Variants in TENM1 observed in about 807,000 individuals in gnomAD.
TENM1 encodes teneurin-1.
A neutral mutation model predicts 174.8 loss-of-function variants in TENM1; 35 were observed. The ratio of observed to expected loss-of-function variants is 0.20; its 90% CI spans 0.15 to 0.27. TENM1 has a LOEUF of 0.27. TENM1 is among the 10% of genes least tolerant of loss of function. The probability of loss-of-function intolerance (pLI) is 1.00; values close to 1 mark genes in which losing one functional copy is unlikely to be tolerated. For synonymous variants in TENM1, 781 were observed against 798.7 expected (o/e 0.98, Z 0.37); for missense variants, 1,633 against 2,130.1 (o/e 0.77, Z 4.59).
At chrX:124,455,473 A>G (rs1223205997) in intron 22 of TENM1, among the ~76,000 whole-genome samples, 2 of 111,715 alleles carry the variant, frequency 1.8e-5, no homozygotes, top group African/African-American at 6.5e-5. Context: ...TGGCAGACCT[A>G]TTATTTAGAA....
At chrX:125,107,307 C>T in the TENM1 span, among the ~76,000 whole-genome samples, 1 of 112,161 alleles carries the variant, frequency 8.9e-6, no homozygotes. Context: ...TGAATACAAG[C>T]TCAGATTGTT....
intron 3 of TENM1, among the ~76,000 whole-genome samples, chrX:124,854,274 T>A (rs1001805498): frequency 9.0e-6 from 1 of 111,465 alleles, no homozygotes; most frequent in Admixed American, 9.5e-5. Flanking sequence ...AAATATAGTA[T>A]GTTCTCACTT....
At chrX:124,705,281 T>C (rs757688566) in intron 4 of TENM1, 30 bp from the exon 8 acceptor site, 19 of 1,098,802 alleles carry the variant, frequency 1.7e-5, no homozygotes, top group Admixed American at 7.7e-5. Context: ...GTTTGGGCTA[T>C]AAAAAGCAAA....
At chrX:124,710,350 A>T (rs189147633) in intron 4 of TENM1, among the ~76,000 whole-genome samples, 63 of 112,126 alleles carry the variant, frequency 5.6e-4, no homozygotes, top group African/African-American at 1.9e-3. Context: ...AGGTTCCTTT[A>T]CTTAATGTTT....
At chrX:124,887,587 A>G (rs1322673486) in intron 3 of TENM1, among the ~76,000 whole-genome samples, 1 of 111,717 alleles carries the variant, frequency 9.0e-6, no homozygotes, top group Non-Finnish European at 1.9e-5. Context: ...AGAAAATATG[A>G]GCTTGTTATA....
At chrX:125,096,196 G>A in the TENM1 span, among the ~76,000 whole-genome samples, 2 of 111,656 alleles carry the variant, frequency 1.8e-5, no homozygotes, top group African/African-American at 6.5e-5. Context: ...AGCTGGAGAG[G>A]TAGGGTGGTT....
intron 21 of TENM1, among the ~76,000 whole-genome samples, chrX:124,484,219 C>T (rs188700372): frequency 1.8e-5 from 2 of 111,352 alleles, no homozygotes; most frequent in East Asian, 5.7e-4. Context: ...TAATAAAGTG[C>T]CATTCTGATC....
chrX:124,612,726 C>T (rs1046154470), intron 11 of TENM1, among the ~76,000 whole-genome samples: 6 of 110,785 alleles, frequency 5.4e-5, no homozygotes, highest in African/African-American at 1.6e-4. Flanking sequence ...CCTGAATGAC[C>T]TCCTTCTTTT....
intron 3 of TENM1, among the ~76,000 whole-genome samples, chrX:124,872,201 A>T (rs1422036672): frequency 9.0e-6 from 1 of 110,854 alleles, no homozygotes; most frequent in Non-Finnish European, 1.9e-5. Flanking sequence ...CCTTAGTTTT[A>T]TACTAATTTT....
chrX:124,837,151 T>C (rs7051649), intron 3 of TENM1, among the ~76,000 whole-genome samples: 6,311 of 112,257 alleles, frequency 0.056, 289 homozygotes, highest in African/African-American at 0.15. Flanking sequence ...TGCAATGGCA[T>C]GGTCTTGGCT....
intron 22 of TENM1, among the ~76,000 whole-genome samples, chrX:124,477,903 T>A (rs2046767305): frequency 8.9e-6 from 1 of 112,228 alleles, no homozygotes. Flanking sequence ...GTGGTACATG[T>A]GTAGTATGTC....
chrX:124,791,517 G>A (rs910867138), intron 3 of TENM1, among the ~76,000 whole-genome samples: 23 of 111,699 alleles, frequency 2.1e-4, no homozygotes, highest in Admixed American at 5.7e-4. Flanking sequence ...GACAAAAAAC[G>A]CTTCTTTTCC....
intron 1 of TENM1, among the ~76,000 whole-genome samples, chrX:124,935,194 A>T (rs1407221282): frequency 9.4e-6 from 1 of 106,680 alleles, no homozygotes; most frequent in Non-Finnish European, 1.9e-5. Context: ...CTAAGTGGCT[A>T]TACTAGATGA....
chrX:124,919,163 T>C (rs2057979621), intron 1 of TENM1, among the ~76,000 whole-genome samples: 1 of 112,384 alleles, frequency 8.9e-6, no homozygotes, highest in East Asian at 2.8e-4. Context: ...TATTTGATAC[T>C]CATTGAATGC....
chrX:124,807,785 G>T (rs765137257), intron 3 of TENM1, among the ~76,000 whole-genome samples: 1 of 109,764 alleles, frequency 9.1e-6, no homozygotes, highest in South Asian at 3.9e-4. Context: ...AAGATATTTT[G>T]TAAGTATCAT....
At chrX:124,758,674 A>C (rs577352646) in intron 3 of TENM1, among the ~76,000 whole-genome samples, 1 of 111,827 alleles carries the variant, frequency 8.9e-6, no homozygotes, top group Admixed American at 9.5e-5. Context: ...AAGGTGTGGC[A>C]TATACATATG....
chrX:124,943,636 T>C (rs2058361310), intron 1 of TENM1, among the ~76,000 whole-genome samples: 1 of 112,139 alleles, frequency 8.9e-6, no homozygotes, highest in Non-Finnish European at 1.9e-5. Context: ...AATTGGCTAA[T>C]GTCAACTTTT....
chrX:125,199,132 T>C, the TENM1 span, among the ~76,000 whole-genome samples: 1 of 111,522 alleles, frequency 9.0e-6, no homozygotes, highest in African/African-American at 3.3e-5. Flanking sequence ...TCTTTTGACA[T>C]GGATATTAAG....
At chrX:124,665,300 A>C (rs1292581225) in intron 6 of TENM1, among the ~76,000 whole-genome samples, 2 of 111,870 alleles carry the variant, frequency 1.8e-5, no homozygotes, top group Admixed American at 1.9e-4. Context: ...AGATTGCGCC[A>C]TTGCACTCCA....
Sources: allele counts gnomAD v4.1 joint callset (sites outside exome capture counted in the v4.1 genomes callset), GRCh38; gene constraint gnomAD v4.1.1; transcripts MANE v1.5; gene names NCBI Gene and HGNC (gene_info 2026-07-23, HGNC 2026-07-21).